Variants in MLLT10 observed in about 807,000 individuals in gnomAD.
MLLT10 encodes protein AF-10.
A neutral mutation model predicts 129.1 loss-of-function variants in MLLT10; 30 were observed. That is an observed-to-expected ratio of 0.23 (90% CI 0.17 to 0.32). The LOEUF is 0.32. Ranked by LOEUF, MLLT10 falls within the 10% of genes least tolerant of loss-of-function variation. MLLT10 has a pLI of 1.00. For missense variants in MLLT10, 1,119 were observed against 1,268.3 expected, an observed-to-expected ratio of 0.88 and a Z score of 1.79; for synonymous variants, 490 against 446.4, an observed-to-expected ratio of 1.10 and a Z score of -1.23.
At chr10:21,716,664 AG>A (rs1284953764) in intron 14 of MLLT10, among the ~76,000 whole-genome samples, 1 of 151,788 alleles carries the variant, frequency 6.6e-6, no homozygotes, top group African/African-American at 2.4e-5. Context: ...ACTGCACTCC[AG>A]CTTGGGCCAA....
rs116484775 is a variant in MLLT10, at chr10:21,742,000, A to G, written c.*17A>G. The G allele has an allele frequency of 8.0e-4, 1,289 of 1,611,822 alleles. 13 individuals are homozygous for G. The African/African-American group carries it at 0.015, about 19-fold the overall frequency. ...AAAAGTTGACACCTGAGAAACATCT[A>G]GAAATTGCCTATCCTGCTGTTCTAG... is the stretch of plus-strand genomic sequence containing the variant. On this transcript the variant is annotated 3_prime_UTR_variant, in exon 23 of 23. Coordinates refer to ENST00000307729, the MANE Select transcript of MLLT10 (RefSeq NM_001195626.3).
chr10:21,726,282 A>G lies in MLLT10; in HGVS notation c.1917A>G (p.Pro639=). 6.2e-7 allele frequency: 1 copy of G among 1,613,202 alleles called. No homozygotes were observed. The highest frequency in any genetic ancestry group is 1.1e-5 in the South Asian group (1 of 90,982). ...TLSGSSLSQA[P]SHMYGNRSNS... is the part of the protein sequence containing the mutation. ...CTGGATCTTCTCTCAGTCAGGCACC[A>G]TCTCATATGTATGGCAATAGATCAA... Residue 639 remains proline (P), a synonymous_variant, in exon 15 of 23, where the codon CCA becomes CCG. Transcript: ENST00000307729.
chr10:21,643,497 C>G (rs1049741900), intron 8 of MLLT10, among the ~76,000 whole-genome samples: 1 of 152,212 alleles, frequency 6.6e-6, no homozygotes, highest in African/African-American at 2.4e-5. Context: ...CATTGTTCCT[C>G]TTAAATTGGC....
rs561203274 is a variant in MLLT10 at position 21,564,852 on chromosome 10, C to G, written c.241-21442C>G. Reference sequence around the variant, plus strand: ...AAAAAAAAAAAAAAGGTATTCCACTCTTGGTGAGTGGAATGTTCTGTTGTT... The same window carrying G: ...AAAAAAAAAAAAAAGGTATTCCACTGTTGGTGAGTGGAATGTTCTGTTGTT... On this transcript the variant is annotated intron_variant, in intron 3 of 22. Coordinates refer to ENST00000307729, the MANE Select transcript of MLLT10 (RefSeq NM_001195626.3). Among the ~76,000 whole-genome samples the G allele has an allele frequency of 2.0e-5, 3 of 151,294 alleles. No homozygotes were observed. In the East Asian group the frequency reaches 5.8e-4, roughly 29 times the overall value.
chr10:21,695,239 C>G (rs1474754553), intron 13 of MLLT10, among the ~76,000 whole-genome samples: 2 of 151,934 alleles, frequency 1.3e-5, no homozygotes, highest in Non-Finnish European at 2.9e-5. Flanking sequence ...GCGTTTCGCC[C>G]TGTTGGCCAG....
intron 5 of MLLT10, among the ~76,000 whole-genome samples, chr10:21,607,845 G>C (rs1474050689): frequency 6.6e-6 from 1 of 152,084 alleles, no homozygotes; most frequent in African/African-American, 2.4e-5. Flanking sequence ...TGCAATTGCT[G>C]TTTGGTGTCA....
At chr10:21,599,992 A>T (rs2043367524) in intron 5 of MLLT10, among the ~76,000 whole-genome samples, 2 of 152,212 alleles carry the variant, frequency 1.3e-5, no homozygotes, top group African/African-American at 4.8e-5. Flanking sequence ...ATATGGTAAG[A>T]TATGTGCCCA....
chr10:21,633,455 A>G (rs978014808), intron 8 of MLLT10, among the ~76,000 whole-genome samples: 4 of 152,232 alleles, frequency 2.6e-5, no homozygotes, highest in African/African-American at 7.2e-5. Flanking sequence ...ATGTAATCCC[A>G]GCTCTTTGGG....
intron 3 of MLLT10, among the ~76,000 whole-genome samples, chr10:21,554,855 C>T (rs889933209): frequency 9.3e-5 from 14 of 150,722 alleles, no homozygotes; most frequent in African/African-American, 1.2e-4. Context: ...AGAGTTTTGC[C>T]GTGTTTCCCA....
intron 13 of MLLT10, among the ~76,000 whole-genome samples, chr10:21,712,539 C>T (rs1011189679): frequency 6.6e-6 from 1 of 152,152 alleles, no homozygotes; most frequent in Non-Finnish European, 1.5e-5. Flanking sequence ...TTTTCTGCAG[C>T]CCACTTAGGT....
At chr10:21,624,862 C>G (rs2131244632) in intron 8 of MLLT10, 1 of 1,125,452 alleles carries the variant, frequency 8.9e-7, no homozygotes, top group East Asian at 2.4e-5. Flanking sequence ...CCCCCTCTGC[C>G]ACCCCTACAG....
intron 13 of MLLT10, among the ~76,000 whole-genome samples, chr10:21,709,797 C>G (rs2055897569): frequency 2.0e-5 from 3 of 152,072 alleles, no homozygotes; most frequent in African/African-American, 7.2e-5. Context: ...GGCTGGAGTG[C>G]AGTGGCACAA....
chr10:21,664,388 A>G (rs1338707529), intron 9 of MLLT10, among the ~76,000 whole-genome samples: 1 of 149,616 alleles, frequency 6.7e-6, no homozygotes, highest in Non-Finnish European at 1.5e-5. Flanking sequence ...ATCTCAGCTC[A>G]CTGCAGCCTC....
At chr10:21,605,922 G>GT (rs888831800) in intron 5 of MLLT10, among the ~76,000 whole-genome samples, 25 of 151,768 alleles carry the variant, frequency 1.6e-4, no homozygotes, top group South Asian at 1.0e-3. Flanking sequence ...GAAATTGCAT[G>GT]TTTTTTTTCT....
intron 8 of MLLT10, among the ~76,000 whole-genome samples, chr10:21,627,590 A>G (rs2046581249): frequency 6.6e-6 from 1 of 152,158 alleles, no homozygotes; most frequent in South Asian, 2.1e-4. Flanking sequence ...ATTTCAGGTT[A>G]TCTGAGGTAT....
intron 5 of MLLT10, among the ~76,000 whole-genome samples, chr10:21,600,551 G>A (rs1173821565): frequency 6.6e-6 from 1 of 152,014 alleles, no homozygotes; most frequent in Non-Finnish European, 1.5e-5. Flanking sequence ...TGATAATAAG[G>A]CCCCTGATAT....
chr10:21,545,185 A>G (rs561575696), intron 3 of MLLT10, among the ~76,000 whole-genome samples: 1 of 152,052 alleles, frequency 6.6e-6, no homozygotes, highest in African/African-American at 2.4e-5. Context: ...TTTAGGATAC[A>G]GTTACAGAGT....
At position 21,713,900 on chromosome 10, in the gene MLLT10, C is replaced by T; in HGVS notation, c.1828C>T (p.Leu610Phe). 1 of 1,614,016 alleles carries T rather than the reference C, an allele frequency of 6.2e-7. No individual in the cohort carries two copies. The highest frequency in any genetic ancestry group is 1.1e-5 in the South Asian group (1 of 91,072). The change falls in exon 14 of 23, where the codon CTC becomes TTC. Residue 610 changes from leucine to phenylalanine, a missense_variant. Around this residue, in one of 5 missense-constraint regions of MLLT10, gnomAD observed 1,004 missense variants for 1,008.7 expected, o/e 1.00. Coordinates refer to ENST00000307729, the MANE Select transcript of MLLT10 (RefSeq NM_001195626.3). ...TGGGCATTTGCAACAAGTAGGAGCG[C>T]TCTCTCCCTCAGCTGTGTCATCTGC... ...SSGHLQQVGA[L>F]SPSAVSSAAP... is the part of the protein sequence containing the mutation.
chr10:21,722,765 C>T (rs2057224877), intron 14 of MLLT10, among the ~76,000 whole-genome samples: 1 of 152,058 alleles, frequency 6.6e-6, no homozygotes, highest in Non-Finnish European at 1.5e-5. Flanking sequence ...AAAGACTCAT[C>T]AAGGGTCCCA....
Sources: gnomAD v4.1 joint callset for allele counts (sites outside exome capture counted in the v4.1 genomes callset) on GRCh38, gnomAD v4.1.1 for gene constraint, gnomAD v4.1.1 regional missense constraint, MANE v1.5 for transcripts, NCBI Gene and HGNC (gene_info 2026-07-23, HGNC 2026-07-21) for gene names.